Variants in VSIG2 observed in about 807,000 individuals in gnomAD.
VSIG2 encodes the protein V-set and immunoglobulin domain-containing protein 2.
VSIG2 carries 30 observed loss-of-function variants against 29.4 expected under a neutral mutation model. The ratio of observed to expected loss-of-function variants is 1.02; its 90% CI spans 0.76 to 1.38. The LOEUF (loss-of-function observed/expected upper bound fraction) is 1.38, where lower values mean the gene tolerates loss of function less well. VSIG2 is among the 40% of genes most tolerant of loss of function. The pLI is 0.00. For synonymous variants in VSIG2, 178 were observed against 174.2 expected, an observed-to-expected ratio of 1.02 and a Z score of -0.17; for missense variants, 421 against 400.8, an observed-to-expected ratio of 1.05 and a Z score of -0.43.
Position 124,750,864 on chromosome 11 carries a change from T to C in VSIG2, c.277A>G (p.Ser93Gly), listed in dbSNP as rs1944077229. The C allele has an allele frequency of 6.2e-7, 1 of 1,614,126 alleles. No homozygotes were observed. The highest frequency in any genetic ancestry group is 2.2e-5 in the East Asian group (1 of 44,856). ...ACTGTGGGGGGGTTCTGAAGCAGGC[T>C]GACCCGCTTTGACTTAGAACCAGTT... ...YPTGSKSKRV[S>G]LLQNPPTVGV... Residue 93 changes from serine (S) to glycine (G), a missense_variant, in exon 3 of 7, where the codon AGC (serine) becomes GGC (glycine). Transcript: ENST00000326621.
intron 1 of VSIG2, 44 bp from the exon 2 acceptor site, chr11:124,751,624 G>A: frequency 6.5e-7 from 1 of 1,528,570 alleles, no homozygotes; most frequent in Non-Finnish European, 8.7e-7. Context: ...AAATTCCAGT[G>A]ATCTGGAGGG....
chr11:124,749,885 A>AACAAAAAAAAAAACAAAAAAAAAAC lies in VSIG2; in HGVS notation c.428-20_428-19insGTTTTTTTTTTGTTTTTTTTTTTGT, dbSNP rs1555108848. The AACAAAAAAAAAAACAAAAAAAAAAC allele has an allele frequency of 7.8e-7, 1 of 1,285,120 alleles. No homozygotes were observed. The highest frequency in any genetic ancestry group is 2.0e-5 in the African/African-American group (1 of 49,890). The allele number at this position is 1,285,120 out of a possible 1,614,324, so 79.6% of individuals were successfully genotyped here. On this transcript the variant is annotated intron_variant, in intron 3 of 6. Transcript: ENST00000326621. ...GGGGGAACTGCAAAAAAAAAAAAAA[A>AACAAAAAAAAAAACAAAAAAAAAAC]AAAAAAAAAACAGAAAGTTCCTCAG...
chr11:124,747,807 T>A, intron 6 of VSIG2, 140 bp from the exon 7 acceptor site: 1 of 893,754 alleles, frequency 1.1e-6, no homozygotes, highest in Non-Finnish European at 1.7e-6. Context: ...TTTCTGGGCC[T>A]CATCACTCCC....
At chr11:124,752,030 C>A (rs2134454365) in intron 1 of VSIG2, 47 bp downstream of exon 1, 2 of 1,533,502 alleles carry the variant, frequency 1.3e-6, no homozygotes, top group Non-Finnish European at 8.7e-7. Context: ...GGAAGCCAGG[C>A]CTATGCCCCC....
At chr11:124,749,944 T>TTGG in intron 3 of VSIG2, 78 bp from the exon 4 acceptor site, 1 of 1,412,802 alleles carries the variant, frequency 7.1e-7, no homozygotes, top group Non-Finnish European at 9.2e-7. Context: ...CTCCATTAGG[T>TTGG]GCTACATTCT....
Position 124,752,112 on chromosome 11 carries a change from A to G in VSIG2, c.26T>C (p.Leu9Pro). Residue 9 changes from leucine to proline, a missense_variant, in exon 1 of 7, where the codon CTC becomes CCC. By Grantham distance (98) the Leu-to-Pro change is moderately conservative. Coordinates refer to ENST00000326621, the MANE Select transcript of VSIG2 (RefSeq NM_014312.5). MAELPGPFLCGALLGFLCL... is the reference protein window; with the variant it reads MAELPGPFPCGALLGFLCL... ...CAGGAAGCCTAGCAGGGCCCCGCAGAGAAAGGGCCCCGGGAGCTCGGCCAT... is the reference window on the plus strand; with the variant it reads ...CAGGAAGCCTAGCAGGGCCCCGCAGGGAAAGGGCCCCGGGAGCTCGGCCAT... 1 of 1,605,996 alleles carries G rather than the reference A, an allele frequency of 6.2e-7. No individual in the cohort carries two copies. Among genetic ancestry groups the G allele is most frequent in the South Asian group, 1.1e-5 (1 of 90,738 alleles).
chr11:124,751,543 C>T lies in VSIG2; in HGVS notation c.99G>A (p.Leu33=), dbSNP rs760821168. Residue 33 remains leucine (L), a synonymous_variant, in exon 2 of 7, where the codon CTG becomes CTA. Coordinates refer to ENST00000326621, the MANE Select transcript of VSIG2 (RefSeq NM_014312.5). ...CGGCTGTCTTCCCCAGGGGCGTGCT[C>T]AGCGGCTCTGTGGGTACCTTCACCT... ...AVEVKVPTEP[L]STPLGKTAEL... 9.9e-6 allele frequency: 16 copies of T among 1,610,178 alleles called. No individual in the cohort carries two copies. Among genetic ancestry groups the T allele is most frequent in the Non-Finnish European group, 1.3e-5 (15 of 1,179,298 alleles).
At chr11:124,751,988 C>T in intron 1 of VSIG2, 89 bp downstream of exon 1, 1 of 1,414,880 alleles carries the variant, frequency 7.1e-7, no homozygotes, top group Non-Finnish European at 9.3e-7. Flanking sequence ...CTCATCTGGC[C>T]TGGCGGGGAC....
intron 3 of VSIG2, 49 bp downstream of exon 3, chr11:124,750,665 C>T (rs756144319): frequency 6.3e-7 from 1 of 1,591,652 alleles, no homozygotes; most frequent in Non-Finnish European, 8.6e-7. Context: ...TGCAAACGCC[C>T]CAAGTATGTG....
At chr11:124,748,786 T>G (rs751994346) in intron 4 of VSIG2, 23 bp from the exon 5 acceptor site, 9 of 1,614,120 alleles carry the variant, frequency 5.6e-6, no homozygotes, top group Middle Eastern at 1.6e-4. Context: ...GAGGAAGTGT[T>G]CCACGACTCA....
In VSIG2 at chr11:124,749,885, A is replaced by AAAAAAACAAAAC; in HGVS notation, c.428-20_428-19insGTTTTGTTTTTT. 1 of 1,417,534 alleles carries AAAAAAACAAAAC rather than the reference A, an allele frequency of 7.1e-7. No individual in the cohort carries two copies. The allele number at this position is 1,417,534 out of a possible 1,614,324, so 87.8% of individuals were successfully genotyped here. A position where few individuals can be genotyped will look rare whatever the true frequency, so the allele number is the denominator to read the frequency against. On this transcript the variant is annotated intron_variant, in intron 3 of 6. Transcript: ENST00000326621. The stretch of plus-strand genomic sequence containing the variant: ...GGGGGAACTGCAAAAAAAAAAAAAA[A>AAAAAAACAAAAC]AAAAAAAAAACAGAAAGTTCCTCAG...
chr11:124,751,951 C>T lies in VSIG2; in HGVS notation c.61+126G>A, dbSNP rs1944091568. ...CCCTCTCCGGCCTCACCTCAGGCGC[C>T]TTAGGGCCCCTGGCGCCCACGGCAG... On this transcript the variant is annotated intron_variant, in intron 1 of 6. Transcript: ENST00000326621. The T allele has an allele frequency of 5.0e-6, 6 of 1,195,208 alleles. No individual in the cohort carries two copies. The South Asian group carries it at 8.2e-5, about 16-fold the overall frequency. 74.0% of individuals were successfully genotyped at this position (1,195,208 alleles called of 1,614,324 possible). A position where few individuals can be genotyped will look rare whatever the true frequency, so the allele number is the denominator to read the frequency against.
intron 1 of VSIG2, 131 bp from the exon 2 acceptor site, chr11:124,751,711 A>C: frequency 1.9e-5 from 20 of 1,025,856 alleles, no homozygotes; most frequent in East Asian, 2.8e-5. Flanking sequence ...CCTCAATCCA[A>C]CCCCTCCCTT....
At chr11:124,751,282 C>G (rs772917083) in intron 2 of VSIG2, 141 bp downstream of exon 2, 2 of 1,016,490 alleles carry the variant, frequency 2.0e-6, no homozygotes, top group Non-Finnish European at 2.9e-6. Context: ...GACTGCAGCT[C>G]TGAAAAGATC....
At position 124,748,474 on chromosome 11, in the gene VSIG2, A is replaced by G; in HGVS notation, c.767T>C (p.Leu256Pro). 1 of 1,614,130 alleles carries G rather than the reference A, an allele frequency of 6.2e-7. No homozygotes were observed. Among genetic ancestry groups the G allele is most frequent in the Non-Finnish European group, 8.5e-7 (1 of 1,180,020 alleles). Residue 256 changes from leucine to proline, a missense_variant, in exon 6 of 7, where the codon CTG becomes CCG. Coordinates refer to ENST00000326621, the MANE Select transcript of VSIG2 (RefSeq NM_014312.5). ...LIGVLLGVLL[L>P]SVAAFCLVRF... ...GACCAGGCAGAACGCAGCAACTGAC[A>G]GCAACAGCACGCCCAGGAGCACCCC...
Position 124,749,874 on chromosome 11 carries a change from A to ACAAAAAAAAAC in VSIG2, c.428-9_428-8insGTTTTTTTTTG, listed in dbSNP as rs201850594. 1.8e-4 allele frequency: 233 copies of ACAAAAAAAAAC among 1,289,374 alleles called. 4 individuals carry two copies. The highest frequency in any genetic ancestry group is 6.9e-4 in the Middle Eastern group (3 of 4,370). 79.9% of individuals were successfully genotyped at this position (1,289,374 alleles called of 1,614,324 possible). ...AGGGATTACTGGGGGGAACTGCAAA[A>ACAAAAAAAAAC]AAAAAAAAAAAAAAAAAAAAACAGA... On this transcript the variant is annotated splice_polypyrimidine_tract_variant and intron_variant, in intron 3 of 6. Coordinates refer to ENST00000326621, the MANE Select transcript of VSIG2 (RefSeq NM_014312.5).
In VSIG2 at chr11:124,748,450, A is replaced by G. The variant is rs111738856; in HGVS notation, c.791T>C (p.Val264Ala). 43,733 of 1,613,830 alleles carry G rather than the reference A, an allele frequency of 0.027. 1,004 individuals carry two copies. The highest frequency in any genetic ancestry group is 0.11 in the Admixed American group (6,385 of 59,990). Residue 264 changes from valine to alanine, a missense_variant, in exon 6 of 7, where the codon GTC becomes GCC. By Grantham distance (64) the Val-to-Ala change is moderately conservative (BLOSUM62 0). Transcript: ENST00000326621. Reference protein sequence around the residue: ...LLLSVAAFCLVRFQKERGKKP... With the variant: ...LLLSVAAFCLARFQKERGKKP... ...CTTCCCCCTCTCTTTCTGGAACCTG[A>G]CCAGGCAGAACGCAGCAACTGACAG...
intron 6 of VSIG2, 32 bp downstream of exon 6, chr11:124,748,358 T>A: frequency 6.3e-7 from 1 of 1,574,970 alleles, no homozygotes. Flanking sequence ...CTTTCCTCCC[T>A]CCTTGCGCCA....
rs1039741669 is a variant in VSIG2 at position 124,748,698 on chromosome 11, C to T, written c.652G>A (p.Val218Met). Residue 218 changes from valine to methionine, a missense_variant, in exon 5 of 7, where the codon GTG becomes ATG. Physicochemically the swap from Val to Met is conservative, Grantham distance 21. Transcript: ENST00000326621. ...GCACTGCCCATCTGGTTGGTGGCCA[C>T]ACAGCGGTAGGTGCCCGAGGAGGTC... The part of the protein sequence containing the change: ...SLTSSGTYRC[V>M]ATNQMGSASC... 7 of 1,614,136 alleles carry T rather than the reference C, an allele frequency of 4.3e-6. No individual in the cohort carries two copies. The highest frequency in any genetic ancestry group is 1.1e-5 in the South Asian group (1 of 91,074).
Sources: allele counts gnomAD v4.1 joint callset, GRCh38; gene constraint gnomAD v4.1.1; transcripts MANE v1.5; gene names NCBI Gene and HGNC (gene_info 2026-07-23, HGNC 2026-07-21).